The following UGT1A10 variants were observed in gnomAD, a reference collection of about 807,000 sequenced individuals.
UGT1A10 encodes UDP-glucuronosyltransferase 1A10.
UGT1A10 carries 49 observed loss-of-function variants against 45.8 expected under a neutral mutation model. That is an observed-to-expected ratio of 1.07 (90% CI 0.85 to 1.36). UGT1A10 has a LOEUF of 1.36. Ranked by LOEUF, UGT1A10 falls within the 40% of genes most tolerant of loss-of-function variation. The pLI, the probability that UGT1A10 is intolerant of heterozygous loss-of-function variation, is 0.00. For synonymous variants in UGT1A10, 284 were observed against 249.7 expected (o/e 1.14, Z -1.29); for missense variants, 745 against 668.6 (o/e 1.11, Z -1.26).
intron 1 of UGT1A10, among the ~76,000 whole-genome samples, chr2:233,720,592 G>A (rs1417484127): frequency 6.6e-6 from 1 of 151,946 alleles, no homozygotes; most frequent in Non-Finnish European, 1.5e-5. Context: ...TTTCAGAGGT[G>A]ACTTTCATTA....
At chr2:233,736,092 T>A (rs2078731726) in intron 1 of UGT1A10, among the ~76,000 whole-genome samples, 1 of 152,262 alleles carries the variant, frequency 6.6e-6, no homozygotes. Flanking sequence ...CTGGATAATA[T>A]CCTGAAGAGT....
chr2:233,693,701 G>C, intron 1 of UGT1A10: 2 of 1,614,192 alleles, frequency 1.2e-6, no homozygotes, highest in Non-Finnish European at 1.7e-6. Flanking sequence ...TGAAGAACTC[G>C]CATCAGCTGT....
chr2:233,764,538 TG>T (rs1304174428), intron 1 of UGT1A10, among the ~76,000 whole-genome samples: 1 of 152,146 alleles, frequency 6.6e-6, no homozygotes, highest in Non-Finnish European at 1.5e-5. Flanking sequence ...GATTGCTGAG[TG>T]GGCGTGTGGG....
At position 233,772,912 on chromosome 2, in the gene UGT1A10, CAAA is replaced by C. The variant is rs1449737327; in HGVS notation, c.*354_*356del. 1 of 388,968 alleles carries C rather than the reference CAAA, an allele frequency of 2.6e-6. No homozygotes were observed. Among genetic ancestry groups the C allele is most frequent in the Non-Finnish European group, 4.5e-6 (1 of 221,772 alleles). The allele number at this position is 388,968 out of a possible 1,614,324, so 24.1% of individuals were successfully genotyped here. On this transcript the variant is annotated 3_prime_UTR_variant, in exon 5 of 5. Transcript: ENST00000344644. ...GGTGGTCCCACGGCTGCCCCTACTG[CAAA>C]TGGCAGTTTTAATCTTATCTTTTGG...
chr2:233,771,791 C>T (rs868802241), intron 4 of UGT1A10, among the ~76,000 whole-genome samples: 2 of 146,520 alleles, frequency 1.4e-5, no homozygotes, highest in Middle Eastern at 6.9e-3. Flanking sequence ...TCTCTCCCTC[C>T]CTCCCTCCCT....
intron 1 of UGT1A10, among the ~76,000 whole-genome samples, chr2:233,762,481 T>G (rs948381917): frequency 6.6e-6 from 1 of 152,238 alleles, no homozygotes. Flanking sequence ...ATCACTCCAG[T>G]TTTAAATGCT....
chr2:233,767,741 T>TA (rs1481527437), intron 2 of UGT1A10, 108 bp from the exon 3 acceptor site: 1 of 1,582,034 alleles, frequency 6.3e-7, no homozygotes, highest in Non-Finnish European at 8.6e-7. Context: ...CCCACTCTGT[T>TA]AAAGACTGTT....
At chr2:233,642,866 CAG>C (rs1457748309) in intron 1 of UGT1A10, among the ~76,000 whole-genome samples, 2 of 152,158 alleles carry the variant, frequency 1.3e-5, no homozygotes, top group African/African-American at 2.4e-5. Flanking sequence ...CCCAAAAATA[CAG>C]AGTCTCTCTC....
intron 1 of UGT1A10, among the ~76,000 whole-genome samples, chr2:233,731,422 C>T (rs547999595): frequency 2.0e-5 from 3 of 152,028 alleles, no homozygotes; most frequent in Non-Finnish European, 4.4e-5. Context: ...TTTCCTAATG[C>T]CATCCCTCCC....
chr2:233,640,778 T>C lies in UGT1A10; in HGVS notation c.855+3401T>C, dbSNP rs577219991. ...CTTAGGTAGGGCCAACTCTATACCCTTGGTCAGTAGGAAGCAGTTGGAAGA... is the reference window on the plus strand; with the variant it reads ...CTTAGGTAGGGCCAACTCTATACCCCTGGTCAGTAGGAAGCAGTTGGAAGA... On this transcript the variant is annotated intron_variant, in intron 1 of 4. Coordinates refer to ENST00000344644, the MANE Select transcript of UGT1A10 (RefSeq NM_019075.4). 5.3e-5 allele frequency among the ~76,000 whole-genome samples: 8 copies of C among 152,230 alleles called. No homozygotes were observed. In the South Asian group the frequency reaches 1.7e-3, roughly 32 times the overall value.
intron 1 of UGT1A10, among the ~76,000 whole-genome samples, chr2:233,749,711 T>C (rs748201511): frequency 2.6e-5 from 4 of 151,836 alleles, no homozygotes; most frequent in African/African-American, 4.9e-5. Flanking sequence ...GATTGGATCA[T>C]GGGGGCAGTT....
At position 233,672,196 on chromosome 2, in the gene UGT1A10, C is replaced by T. The variant is rs143487779; in HGVS notation, c.855+34819C>T. The stretch of plus-strand genomic sequence containing the variant: ...TTCATATACCCTGGAGGATCTGGAC[C>T]GGGAGTTCAAGGCTTTTGCCCATGC... On this transcript the variant is annotated intron_variant, in intron 1 of 4. Coordinates refer to ENST00000344644, the MANE Select transcript of UGT1A10 (RefSeq NM_019075.4). The T allele has an allele frequency of 1.0e-3, 1,662 of 1,614,084 alleles. 1 individual carries two copies. Among genetic ancestry groups the T allele is most frequent in the Non-Finnish European group, 1.3e-3 (1,536 of 1,180,004 alleles).
At chr2:233,768,984 TC>T (rs551747473) in intron 4 of UGT1A10, among the ~76,000 whole-genome samples, 141 of 152,252 alleles carry the variant, frequency 9.3e-4, no homozygotes, top group African/African-American at 3.3e-3. Context: ...GAATTTTATT[TC>T]CCCCATTAGA....
intron 1 of UGT1A10, among the ~76,000 whole-genome samples, chr2:233,712,745 T>TC (rs5839490): frequency 0.1 from 15,409 of 149,766 alleles, 901 homozygotes; most frequent in East Asian, 0.2. Context: ...ACTTGGATGT[T>TC]CCCCAGAGCG....
At chr2:233,694,585 C>A (rs1177504062) in intron 1 of UGT1A10, among the ~76,000 whole-genome samples, 10 of 152,158 alleles carry the variant, frequency 6.6e-5, no homozygotes, top group Non-Finnish European at 1.5e-4. Context: ...TAAATATTTA[C>A]AACTTTGAAG....
rs573836157 is a variant in UGT1A10, at chr2:233,683,415, T to G, written c.855+46038T>G. 1.7e-3 allele frequency among the ~76,000 whole-genome samples: 265 copies of G among 152,282 alleles called. 1 individual carries two copies. The highest frequency in any genetic ancestry group is 0.016 in the South Asian group (79 of 4,824). ...TAGAGATTTAAGTGTTTTCCACTTTTGGGGTTTATGAGCAATAATAAGAAT... is the reference window on the plus strand; with the variant it reads ...TAGAGATTTAAGTGTTTTCCACTTTGGGGGTTTATGAGCAATAATAAGAAT... On this transcript the variant is annotated intron_variant, in intron 1 of 4. Transcript: ENST00000344644.
At chr2:233,689,882 C>T (rs2074964627) in intron 1 of UGT1A10, 1 of 456,432 alleles carries the variant, frequency 2.2e-6, no homozygotes, top group Admixed American at 2.4e-5. Context: ...TTATCAAGTG[C>T]CTTATTTATT....
intron 1 of UGT1A10, among the ~76,000 whole-genome samples, chr2:233,727,119 T>C (rs1478640841): frequency 6.6e-6 from 1 of 152,204 alleles, no homozygotes; most frequent in Non-Finnish European, 1.5e-5. Flanking sequence ...GTCTGTGAGA[T>C]TGGCAGAGGG....
intron 1 of UGT1A10, among the ~76,000 whole-genome samples, chr2:233,638,512 T>C (rs1006353133): frequency 1.2e-4 from 18 of 152,234 alleles, no homozygotes; most frequent in African/African-American, 4.3e-4. Flanking sequence ...ACTTCCAAAA[T>C]ATTATTGAGT....
Sources: gnomAD v4.1 joint callset for allele counts (sites outside exome capture counted in the v4.1 genomes callset) on GRCh38, gnomAD v4.1.1 for gene constraint, MANE v1.5 for transcripts, NCBI Gene and HGNC (gene_info 2026-07-23, HGNC 2026-07-21) for gene names.